The following RTL4 variants were observed in gnomAD, a reference collection of about 807,000 sequenced individuals.
RTL4 encodes retrotransposon Gag-like protein 4.
Under a neutral mutation model 5.3 loss-of-function variants are expected in RTL4, and 4 were observed. The observed-to-expected ratio is 0.75, with a 90% confidence interval of 0.37 to 1.72. The LOEUF (loss-of-function observed/expected upper bound fraction) is 1.72, where lower values mean the gene tolerates loss of function less well. Among genes scored for constraint, RTL4 ranks in the 40% most tolerant of loss-of-function variants. RTL4 has a pLI of 0.04. For synonymous variants in RTL4, 98 were observed against 87.3 expected, an observed-to-expected ratio of 1.12 and a Z score of -0.68; for missense variants, 260 against 227.1, an observed-to-expected ratio of 1.14 and a Z score of -0.93.
At chrX:112,144,606 G>A in the RTL4 span, among the ~76,000 whole-genome samples, 3 of 111,554 alleles carry the variant, frequency 2.7e-5, no homozygotes, top group Admixed American at 9.5e-5. Flanking sequence ...CCTAGGAAGC[G>A]TAAACAACAT....
At chrX:112,374,229 C>G in the RTL4 span, among the ~76,000 whole-genome samples, 1 of 110,734 alleles carries the variant, frequency 9.0e-6, no homozygotes, top group South Asian at 3.8e-4. Context: ...TTTTTATATT[C>G]AATATAGATA....
chrX:112,305,634 G>A, the RTL4 span, among the ~76,000 whole-genome samples: 5 of 111,644 alleles, frequency 4.5e-5, no homozygotes, highest in African/African-American at 9.8e-5. Flanking sequence ...AAAGTTCTGG[G>A]ATTACAGGCG....
the RTL4 span, among the ~76,000 whole-genome samples, chrX:112,234,762 G>A: frequency 8.9e-6 from 1 of 111,814 alleles, no homozygotes. Flanking sequence ...AAGCAGGTGG[G>A]ATCAGCATCA....
chrX:112,437,802 ATGGTGGTGGTGGTGGTGGTGGTGG>A, the RTL4 span, among the ~76,000 whole-genome samples: 21,894 of 76,781 alleles, frequency 0.29, 2,140 homozygotes, highest in Middle Eastern at 0.37. Context: ...GGTGGTGGTG[ATGGTGGTGGTGGTGGTGGTGGTGG>A]TGGTGGTGGT....
the RTL4 span, among the ~76,000 whole-genome samples, chrX:112,137,072 A>C: frequency 8.9e-6 from 1 of 111,875 alleles, no homozygotes; most frequent in African/African-American, 3.2e-5. Flanking sequence ...ATGTAAAGGC[A>C]AACTCCAGAA....
chrX:112,223,938 C>A, the RTL4 span, among the ~76,000 whole-genome samples: 2 of 111,796 alleles, frequency 1.8e-5, no homozygotes, highest in Non-Finnish European at 3.8e-5. Context: ...TCCTGGAAAC[C>A]ACGATCAACT....
the RTL4 span, among the ~76,000 whole-genome samples, chrX:112,149,884 T>G: frequency 9.0e-6 from 1 of 111,533 alleles, no homozygotes; most frequent in South Asian, 3.8e-4. Flanking sequence ...GGGTGAGGGT[T>G]AGTCACTATT....
chrX:112,363,166 T>C, the RTL4 span, among the ~76,000 whole-genome samples: 2 of 110,509 alleles, frequency 1.8e-5, no homozygotes, highest in African/African-American at 6.6e-5. Context: ...TGGAAGACAA[T>C]GAAAAACAAT....
At chrX:112,452,811 C>T (rs1374284818), upstream of RTL4, among the ~76,000 whole-genome samples, 1 of 111,384 alleles carries the variant, frequency 9.0e-6, no homozygotes, top group East Asian at 2.9e-4. Flanking sequence ...GCAGGCGGAT[C>T]ACCTGAGGTC....
At chrX:112,334,007 C>A in the RTL4 span, among the ~76,000 whole-genome samples, 1 of 105,799 alleles carries the variant, frequency 9.5e-6, no homozygotes, top group Non-Finnish European at 1.9e-5. Flanking sequence ...TCCATGAGTT[C>A]AATTGTTTTG....
At chrX:112,345,865 A>G in the RTL4 span, among the ~76,000 whole-genome samples, 6 of 111,773 alleles carry the variant, frequency 5.4e-5, no homozygotes, top group Admixed American at 4.8e-4. Flanking sequence ...TCCCTGAACC[A>G]GGCATGATAG....
chrX:112,179,403 G>A, the RTL4 span, among the ~76,000 whole-genome samples: 2 of 111,496 alleles, frequency 1.8e-5, no homozygotes, highest in African/African-American at 3.3e-5. Flanking sequence ...TTTGTGTGTG[G>A]GTACTTGTGT....
the RTL4 span, among the ~76,000 whole-genome samples, chrX:112,298,014 G>T: frequency 1.8e-5 from 2 of 111,490 alleles, no homozygotes; most frequent in Admixed American, 1.9e-4. Context: ...CATGCTTATT[G>T]GTTGGTTGAT....
chrX:112,354,875 T>C, the RTL4 span, among the ~76,000 whole-genome samples: 192 of 111,411 alleles, frequency 1.7e-3, no homozygotes, highest in African/African-American at 6.0e-3. Context: ...TTGCTCAGAA[T>C]TGTAAGTGTG....
chrX:112,238,534 C>G, the RTL4 span, among the ~76,000 whole-genome samples: 2 of 111,168 alleles, frequency 1.8e-5, no homozygotes, highest in Non-Finnish European at 3.8e-5. Context: ...CCTTCTTTTT[C>G]TAGATAAGAT....
chrX:112,170,275 GT>G, the RTL4 span, among the ~76,000 whole-genome samples: 1 of 111,620 alleles, frequency 9.0e-6, no homozygotes, highest in Non-Finnish European at 1.9e-5. Flanking sequence ...TTGTGAAGTA[GT>G]TTTTTTCTAA....
chrX:112,274,513 G>A, the RTL4 span, among the ~76,000 whole-genome samples: 3 of 111,905 alleles, frequency 2.7e-5, no homozygotes, highest in Admixed American at 1.9e-4. Context: ...CAAACCTCCT[G>A]ACTGAGAAAG....
chrX:112,228,468 T>C, the RTL4 span, among the ~76,000 whole-genome samples: 1 of 112,761 alleles, frequency 8.9e-6, no homozygotes, highest in Non-Finnish European at 1.9e-5. Flanking sequence ...TGTGATTATG[T>C]GTGAAATGAT....
exon 1 of RTL4, chrX:112,455,288 C>A (rs933208988): frequency 1.7e-6 from 2 of 1,211,459 alleles, no homozygotes; most frequent in Non-Finnish European, 2.2e-6. Flanking sequence ...TTCGAAAAGG[C>A]ACTAGCTGAT....
Sources: gnomAD v4.1 joint callset for allele counts (sites outside exome capture counted in the v4.1 genomes callset) on GRCh38, gnomAD v4.1.1 for gene constraint, MANE v1.5 for transcripts, NCBI Gene and HGNC (gene_info 2026-07-23, HGNC 2026-07-21) for gene names.